RIT2: variants seen among roughly 807,000 people sequenced by gnomAD.
RIT2 encodes the protein GTP-binding protein Rit2.
A neutral mutation model predicts 23.7 loss-of-function variants in RIT2; 24 were observed. The observed-to-expected ratio is 1.01, with a 90% confidence interval of 0.73 to 1.43. The LOEUF (loss-of-function observed/expected upper bound fraction) is 1.43, where lower values mean the gene tolerates loss of function less well. Ranked by LOEUF, RIT2 falls within the 40% of genes most tolerant of loss-of-function variation. The pLI, the probability that RIT2 is intolerant of heterozygous loss-of-function variation, is 0.00. For missense variants in RIT2, 236 were observed against 266.9 expected (o/e 0.88, Z 0.81); for synonymous variants, 107 against 91.1 (o/e 1.17, Z -0.99).
At chr18:42,828,865 C>T (rs1314593741) in intron 4 of RIT2, among the ~76,000 whole-genome samples, 1 of 152,214 alleles carries the variant, frequency 6.6e-6, no homozygotes, top group Non-Finnish European at 1.5e-5. Flanking sequence ...CATCCCTTCT[C>T]CTTAGGCTCT....
At chr18:43,103,902 T>A (rs1913747284) in intron 1 of RIT2, among the ~76,000 whole-genome samples, 1 of 151,984 alleles carries the variant, frequency 6.6e-6, no homozygotes. Context: ...TATGGGGGTT[T>A]AAAAGATGAT....
rs188788386 is a variant in RIT2 at position 42,782,422 on chromosome 18, T to C, written c.427-38702A>G. 2.8e-4 allele frequency among the ~76,000 whole-genome samples: 42 copies of C among 152,216 alleles called. No individual in the cohort carries two copies. The East Asian group carries it at 6.8e-3, about 24-fold the overall frequency. On this transcript the variant is annotated intron_variant, in intron 4 of 4. Transcript: ENST00000326695. ...GATATTTATATTTACATATATCTTA[T>C]AAGGTATTTATAATATATGATGTGT...
At chr18:43,036,660 A>G (rs2144287899) in intron 1 of RIT2, among the ~76,000 whole-genome samples, 1 of 152,310 alleles carries the variant, frequency 6.6e-6, no homozygotes, top group Admixed American at 6.5e-5. Flanking sequence ...ATAATTGAAA[A>G]AAGCCCTTTA....
At chr18:43,097,263 G>A (rs1165008483) in intron 1 of RIT2, among the ~76,000 whole-genome samples, 3 of 151,984 alleles carry the variant, frequency 2.0e-5, no homozygotes, top group South Asian at 4.1e-4. Flanking sequence ...GGACCAGGGA[G>A]CGACAATTTG....
At chr18:42,815,846 A>C (rs1905979885) in intron 4 of RIT2, among the ~76,000 whole-genome samples, 1 of 152,190 alleles carries the variant, frequency 6.6e-6, no homozygotes, top group Admixed American at 6.5e-5. Context: ...AATAGTAACT[A>C]CATTTTATTT....
chr18:43,086,505 G>T (rs1162580580), intron 1 of RIT2, among the ~76,000 whole-genome samples: 1 of 152,112 alleles, frequency 6.6e-6, no homozygotes, highest in Non-Finnish European at 1.5e-5. Flanking sequence ...TGAATAGCAG[G>T]GTAAAACGTA....
intron 4 of RIT2, among the ~76,000 whole-genome samples, chr18:42,781,563 T>G (rs918655038): frequency 6.6e-6 from 1 of 152,156 alleles, no homozygotes; most frequent in African/African-American, 2.4e-5. Context: ...TCCACACATC[T>G]GTCACCATAT....
intron 1 of RIT2, among the ~76,000 whole-genome samples, chr18:43,095,283 G>C (rs1238759222): frequency 6.6e-6 from 1 of 151,980 alleles, no homozygotes; most frequent in Non-Finnish European, 1.5e-5. Flanking sequence ...ATCTCATTGT[G>C]GTTTTGATTT....
chr18:43,032,837 A>G (rs531743315), intron 2 of RIT2, among the ~76,000 whole-genome samples: 12 of 152,272 alleles, frequency 7.9e-5, no homozygotes, highest in Admixed American at 7.2e-4. Context: ...AGAATACAGG[A>G]GTATAATCTA....
chr18:43,052,301 T>A (rs887242950), intron 1 of RIT2, among the ~76,000 whole-genome samples: 2 of 152,084 alleles, frequency 1.3e-5, no homozygotes, highest in East Asian at 3.9e-4. Flanking sequence ...CTCTGAGAAA[T>A]TTAATTAGGA....
chr18:42,913,716 G>A (rs976840787), intron 4 of RIT2, among the ~76,000 whole-genome samples: 1 of 151,946 alleles, frequency 6.6e-6, no homozygotes, highest in African/African-American at 2.4e-5. Flanking sequence ...GCAGGGAGGC[G>A]CTGGTAAGAT....
intron 4 of RIT2, among the ~76,000 whole-genome samples, chr18:42,892,586 A>G (rs1407775664): frequency 6.6e-6 from 1 of 152,212 alleles, no homozygotes; most frequent in Admixed American, 6.5e-5. Context: ...CTTTGAATCT[A>G]TGCAAAGCAC....
intron 4 of RIT2, among the ~76,000 whole-genome samples, chr18:42,769,718 A>C (rs912823810): frequency 1.3e-5 from 2 of 151,898 alleles, no homozygotes; most frequent in African/African-American, 4.8e-5. Flanking sequence ...ATATGATTAT[A>C]TTTATAAGAA....
chr18:43,084,424 A>T (rs2144351781), intron 1 of RIT2, among the ~76,000 whole-genome samples: 1 of 152,314 alleles, frequency 6.6e-6, no homozygotes, highest in African/African-American at 2.4e-5. Context: ...TACTATAAAG[A>T]CACATGTACA....
At chr18:42,883,414 A>G (rs1293184943) in intron 4 of RIT2, among the ~76,000 whole-genome samples, 2 of 152,208 alleles carry the variant, frequency 1.3e-5, no homozygotes, top group Admixed American at 6.5e-5. Flanking sequence ...CTTGCCAAAC[A>G]TTATCATAAT....
intron 4 of RIT2, among the ~76,000 whole-genome samples, chr18:42,774,984 C>T (rs1598648700): frequency 1.3e-5 from 2 of 152,118 alleles, no homozygotes; most frequent in East Asian, 3.9e-4. Context: ...ATACTTTTCT[C>T]ATTGCAAAAT....
At chr18:42,832,017 A>G (rs1354564036) in intron 4 of RIT2, among the ~76,000 whole-genome samples, 2 of 152,120 alleles carry the variant, frequency 1.3e-5, no homozygotes, top group Admixed American at 6.5e-5. Flanking sequence ...CCAAGCCACA[A>G]ATTATCATGT....
At chr18:43,017,476 A>C (rs921409382) in intron 2 of RIT2, among the ~76,000 whole-genome samples, 32 of 152,062 alleles carry the variant, frequency 2.1e-4, no homozygotes, top group African/African-American at 7.2e-4. Flanking sequence ...TAGGTTGACC[A>C]GCACTTATTT....
chr18:42,877,114 G>A (rs1262822392), intron 4 of RIT2, among the ~76,000 whole-genome samples: 1 of 151,650 alleles, frequency 6.6e-6, no homozygotes, highest in Non-Finnish European at 1.5e-5. Context: ...CAATTTCTGT[G>A]ACAGACACTG....
Sources: allele counts gnomAD v4.1 joint callset (sites outside exome capture counted in the v4.1 genomes callset), GRCh38; gene constraint gnomAD v4.1.1; transcripts MANE v1.5; gene names NCBI Gene and HGNC (gene_info 2026-07-23, HGNC 2026-07-21).